RIPOR3: variants seen among roughly 807,000 people sequenced by gnomAD.
RIPOR3 encodes the protein family with sequence similarity 65 member C.
In RIPOR3, 95 loss-of-function variants were observed where a neutral mutation model predicts 114.3. The observed-to-expected ratio is 0.83, with a 90% CI of 0.70 to 0.99. The LOEUF is 0.99. RIPOR3 is among the 50% of genes least tolerant of loss of function. The pLI, the probability that RIPOR3 is intolerant of heterozygous loss-of-function variation, is 0.00. For synonymous variants in RIPOR3, 575 were observed against 543.8 expected (o/e 1.06, Z -0.80); for missense variants, 1,252 against 1,266.9 (o/e 0.99, Z 0.18).
intron 1 of RIPOR3, among the ~76,000 whole-genome samples, chr20:50,676,242 G>T (rs971850386): frequency 1.3e-5 from 2 of 152,206 alleles, no homozygotes; most frequent in African/African-American, 4.8e-5. Flanking sequence ...CAGGGTGAAG[G>T]TTGCTGCCCT....
At chr20:50,683,422 A>G (rs1003720052) in intron 1 of RIPOR3, among the ~76,000 whole-genome samples, 1 of 151,466 alleles carries the variant, frequency 6.6e-6, no homozygotes, top group African/African-American at 2.4e-5. Context: ...GTCATTATGG[A>G]ATTATGAATC....
At chr20:50,620,484 G>A (rs1348973114) in intron 2 of RIPOR3, among the ~76,000 whole-genome samples, 6 of 151,986 alleles carry the variant, frequency 3.9e-5, no homozygotes, top group African/African-American at 7.3e-5. Flanking sequence ...AAAATTAGCC[G>A]GATGTGGTGG....
At chr20:50,633,795 C>T (rs944654959) in intron 1 of RIPOR3, among the ~76,000 whole-genome samples, 6 of 152,116 alleles carry the variant, frequency 3.9e-5, no homozygotes, top group African/African-American at 1.4e-4. Context: ...GAGAGGACGA[C>T]GAAGGAGGGA....
intron 1 of RIPOR3, among the ~76,000 whole-genome samples, chr20:50,651,781 C>T (rs769950132): frequency 1.3e-5 from 2 of 152,170 alleles, no homozygotes; most frequent in African/African-American, 4.8e-5. Context: ...ACATTAGAAA[C>T]GAGCTGAGAA....
chr20:50,673,041 C>A (rs550179833), intron 1 of RIPOR3, among the ~76,000 whole-genome samples: 1 of 152,320 alleles, frequency 6.6e-6, no homozygotes, highest in African/African-American at 2.4e-5. Context: ...AGAGCTGGAC[C>A]GGTGGATGTC....
intron 20 of RIPOR3, 104 bp from the exon 21 acceptor site, chr20:50,587,996 G>T: frequency 1.9e-6 from 2 of 1,044,012 alleles, no homozygotes; most frequent in Non-Finnish European, 2.8e-6. Flanking sequence ...GGTCTCTGGG[G>T]CCTCAGCCCC....
In RIPOR3 at chr20:50,616,029, G is replaced by C; in HGVS notation, c.321C>G (p.His107Gln). Residue 107 changes from histidine to glutamine, a missense_variant, in exon 4 of 22, where the codon CAC (histidine) becomes CAG (glutamine). Transcript: ENST00000327979. ...QAELDHLSGR[H>Q]KDTRRNSRLA... ...GCCTGGAATTCCTCCTGGTGTCTTTGTGGCGTCCAGACAGGTGGTCCAGCT... is the reference window on the plus strand; with the variant it reads ...GCCTGGAATTCCTCCTGGTGTCTTTCTGGCGTCCAGACAGGTGGTCCAGCT... 1 of 1,610,974 alleles carries C rather than the reference G, an allele frequency of 6.2e-7. No individual in the cohort carries two copies. Among genetic ancestry groups the C allele is most frequent in the Non-Finnish European group, 8.5e-7 (1 of 1,178,844 alleles).
chr20:50,602,053 C>T lies in RIPOR3; in HGVS notation c.1659+19G>A, dbSNP rs558951276. On this transcript the variant is annotated intron_variant, in intron 13 of 21. Transcript: ENST00000327979. This position sits in a 1 kb window ranked among gnomAD's most constrained non-coding sequence, Gnocchi z 4.3. ...CCATCAGCAAAGCAGGGCCACCGCCCGGGGCGGGGTGGCCATACCTTCAGC... is the reference window on the plus strand; with the variant it reads ...CCATCAGCAAAGCAGGGCCACCGCCTGGGGCGGGGTGGCCATACCTTCAGC... 173 of 1,484,110 alleles carry T rather than the reference C, an allele frequency of 1.2e-4. No homozygotes were observed. The Middle Eastern group carries it at 1.3e-3, about 11-fold the overall frequency. The allele number at this position is 1,484,110 out of a possible 1,614,324, so 91.9% of individuals were successfully genotyped here. A position where few individuals can be genotyped will look rare whatever the true frequency, so the allele number is the denominator to read the frequency against.
intron 1 of RIPOR3, among the ~76,000 whole-genome samples, chr20:50,671,428 G>GCGCACACA (rs1234819893): frequency 7.9e-5 from 3 of 38,156 alleles, no homozygotes; most frequent in African/African-American, 1.3e-4. Flanking sequence ...ACGCGCGCGC[G>GCGCACACA]CACACACACA....
chr20:50,652,998 C>A (rs956351162), intron 1 of RIPOR3, among the ~76,000 whole-genome samples: 8 of 152,170 alleles, frequency 5.3e-5, no homozygotes, highest in Admixed American at 4.6e-4. Flanking sequence ...CACGCAAAAC[C>A]CATACACAGA....
rs2083962543 is a variant in RIPOR3 at position 50,611,107 on chromosome 20, G to C, written c.372+74C>G. On this transcript the variant is annotated intron_variant, in intron 5 of 21. Coordinates refer to ENST00000327979, the MANE Select transcript of RIPOR3 (RefSeq NM_001290268.2). ...AGGTTTTCTGCCCATCAGGCAGCCA[G>C]GAAGATGCAATGAGGCACAGTCATT... is the stretch of plus-strand genomic sequence containing the variant. 7 of 1,608,842 alleles carry C rather than the reference G, an allele frequency of 4.4e-6. No homozygotes were observed. The South Asian group carries it at 7.7e-5, about 18-fold the overall frequency.
At chr20:50,613,407 C>T (rs2084041889) in intron 4 of RIPOR3, among the ~76,000 whole-genome samples, 2 of 151,892 alleles carry the variant, frequency 1.3e-5, no homozygotes, top group Admixed American at 6.6e-5. Flanking sequence ...GAATGGAGAT[C>T]GTGACACTGG....
intron 17 of RIPOR3, among the ~76,000 whole-genome samples, chr20:50,593,852 G>A (rs553032304): frequency 6.6e-6 from 1 of 152,096 alleles, no homozygotes; most frequent in Non-Finnish European, 1.5e-5. Flanking sequence ...GGCAAATTCT[G>A]GGGAAGAACG....
At chr20:50,677,406 T>C (rs1168337770) in intron 1 of RIPOR3, among the ~76,000 whole-genome samples, 1 of 149,438 alleles carries the variant, frequency 6.7e-6, no homozygotes, top group East Asian at 2.0e-4. Flanking sequence ...AGTTCTGCTC[T>C]TGTTGCCCAG....
chr20:50,679,768 C>CAAA (rs34233758), intron 1 of RIPOR3, among the ~76,000 whole-genome samples: 13 of 135,888 alleles, frequency 9.6e-5, no homozygotes, highest in Non-Finnish European at 1.4e-4. Flanking sequence ...GACTCTGTCT[C>CAAA]AAAAAAAAAA....
At position 50,602,451 on chromosome 20, in the gene RIPOR3, G is replaced by T; in HGVS notation, c.1280C>A (p.Ser427Ter). The T allele has an allele frequency of 6.3e-7, 1 of 1,580,258 alleles. No homozygotes were observed. Among genetic ancestry groups the T allele is most frequent in the Non-Finnish European group, 8.6e-7 (1 of 1,160,752 alleles). Residue 427 changes from serine to a stop codon, truncating the protein, a stop_gained, in exon 13 of 22, where the codon TCA becomes TAA. Coordinates refer to ENST00000327979, the MANE Select transcript of RIPOR3 (RefSeq NM_001290268.2). LOFTEE classifies it high-confidence loss of function. The surrounding 1 kb of genome is among the most constrained non-coding windows in gnomAD (Gnocchi z 4.3). ...DTETSTSAST[S>*]DVGFLPLTFG... is the part of the protein sequence containing the mutation. ...GGTCAAGGGCAGGAAGCCCACATCT[G>T]AGGTGGACGCCGACGTGCTGGTCTC...
At position 50,594,523 on chromosome 20, in the gene RIPOR3, G is replaced by C. The variant is rs200503001; in HGVS notation, c.2212+30C>G. The C allele has an allele frequency of 7.7e-4, 1,237 of 1,600,294 alleles. 2 individuals carry two copies. Among genetic ancestry groups the C allele is most frequent in the Admixed American group, 1.0e-3 (62 of 59,508 alleles). On this transcript the variant is annotated intron_variant, in intron 17 of 21. Transcript: ENST00000327979. ...GAGACTCAATACAGCCTTTCTGTGG[G>C]AGGGGACGACAGGACAGAAGGGAAC...
chr20:50,594,790 A>G, intron 16 of RIPOR3, 76 bp from the exon 17 acceptor site: 5 of 1,512,096 alleles, frequency 3.3e-6, no homozygotes, highest in South Asian at 2.5e-5. Flanking sequence ...GTTTCCCTCC[A>G]CTAGGACCTG....
chr20:50,618,556 C>T (rs963940327), intron 3 of RIPOR3, among the ~76,000 whole-genome samples: 1 of 152,138 alleles, frequency 6.6e-6, no homozygotes, highest in African/African-American at 2.4e-5. Context: ...TTAGCAAGGC[C>T]TTCCTTCCAA....
Sources: gnomAD v4.1 joint callset for allele counts (sites outside exome capture counted in the v4.1 genomes callset) on GRCh38, gnomAD v4.1.1 for gene constraint, Gnocchi (gnomAD v3.1) non-coding constraint, MANE v1.5 for transcripts, NCBI Gene and HGNC (gene_info 2026-07-23, HGNC 2026-07-21) for gene names.